PPP2R5A: variants seen among roughly 807,000 people sequenced by gnomAD.
PPP2R5A encodes the protein protein phosphatase 2 regulatory subunit B'alpha.
PPP2R5A carries 25 observed loss-of-function variants against 64.2 expected under a neutral mutation model. The observed-to-expected ratio is 0.39, with a 90% CI of 0.28 to 0.54. The LOEUF (loss-of-function observed/expected upper bound fraction) is 0.54, where lower values mean the gene tolerates loss of function less well. PPP2R5A is among the 20% of genes least tolerant of loss of function. The probability of loss-of-function intolerance (pLI) is 0.67; values close to 1 mark genes in which losing one functional copy is unlikely to be tolerated. For missense variants in PPP2R5A, 425 were observed against 576.3 expected (o/e 0.74, Z 2.69); for synonymous variants, 198 against 201.2 (o/e 0.98, Z 0.13).
chr1:212,347,486 A>G lies in PPP2R5A; in HGVS notation c.764+80A>G, dbSNP rs1659803623. ...ATTAAAATCTTAGCTGGGGTTGGAG[A>G]AATTATGTCATATTTTAGAGTTTAA... On this transcript the variant is annotated intron_variant, in intron 6 of 12. Transcript: ENST00000261461. 10 of 1,056,016 alleles carry G rather than the reference A, an allele frequency of 9.5e-6. 2 individuals are homozygous for G. The South Asian group carries it at 1.4e-4, about 15-fold the overall frequency. 65.4% of individuals were successfully genotyped at this position (1,056,016 alleles called of 1,614,324 possible).
At chr1:212,343,170 C>G (rs1436137214) in intron 4 of PPP2R5A, among the ~76,000 whole-genome samples, 5 of 152,014 alleles carry the variant, frequency 3.3e-5, no homozygotes, top group Admixed American at 6.5e-5. Context: ...CCAGGCTGGT[C>G]TTGAACTCCT....
At chr1:212,300,221 T>C (rs184142653) in intron 1 of PPP2R5A, among the ~76,000 whole-genome samples, 1 of 152,214 alleles carries the variant, frequency 6.6e-6, no homozygotes, top group African/African-American at 2.4e-5. Context: ...GTTTTGATAA[T>C]CTGTTTTTAA....
intron 8 of PPP2R5A, among the ~76,000 whole-genome samples, chr1:212,354,619 G>A (rs1558155781): frequency 6.6e-6 from 1 of 151,858 alleles, no homozygotes; most frequent in Non-Finnish European, 1.5e-5. Context: ...AGGAGTTCAA[G>A]GTTACAATAA....
At chr1:212,342,727 T>C (rs1268983853) in intron 4 of PPP2R5A, among the ~76,000 whole-genome samples, 1 of 152,164 alleles carries the variant, frequency 6.6e-6, no homozygotes, top group Non-Finnish European at 1.5e-5. Flanking sequence ...CTTTCCTAAG[T>C]ATCAATTACC....
intron 12 of PPP2R5A, 113 bp from the exon 13 acceptor site, chr1:212,360,525 G>A (rs1660060984): frequency 7.5e-6 from 7 of 929,308 alleles, no homozygotes; most frequent in Admixed American, 3.1e-5. Context: ...CTTTAGCAGA[G>A]GGATTTAAGT....
At chr1:212,329,097 T>C in intron 1 of PPP2R5A, 38 bp from the exon 2 acceptor site, 1 of 1,353,400 alleles carries the variant, frequency 7.4e-7, no homozygotes, top group African/African-American at 1.5e-5. Context: ...AACTTCTGAG[T>C]AGGTTATTTC....
At chr1:212,291,847 C>G (rs1393010804) in intron 1 of PPP2R5A, among the ~76,000 whole-genome samples, 2 of 152,186 alleles carry the variant, frequency 1.3e-5, no homozygotes, top group South Asian at 4.1e-4. Flanking sequence ...TTTCTTTTCT[C>G]TGTGATTTTT....
At chr1:212,311,238 G>A (rs1659024382) in intron 1 of PPP2R5A, among the ~76,000 whole-genome samples, 1 of 152,212 alleles carries the variant, frequency 6.6e-6, no homozygotes, top group African/African-American at 2.4e-5. Context: ...GGAGGCTGAG[G>A]CAGGCGGATC....
rs1418057060 is a variant in PPP2R5A at position 212,285,844 on chromosome 1, C to T, written c.-267C>T. 1.1e-5 allele frequency: 4 copies of T among 360,090 alleles called. No individual in the cohort carries two copies. The highest frequency in any genetic ancestry group is 2.0e-5 in the Non-Finnish European group (4 of 202,152). 22.3% of individuals were successfully genotyped at this position (360,090 alleles called of 1,614,324 possible). A position where few individuals can be genotyped will look rare whatever the true frequency, so the allele number is the denominator to read the frequency against. On this transcript the variant is annotated 5_prime_UTR_variant, in exon 1 of 13. Coordinates refer to ENST00000261461, the MANE Select transcript of PPP2R5A (RefSeq NM_006243.4). ...GCGCCCAGAGTCAACAACTTCTTCA[C>T]CCCCCTCCGCCCCCGCCCTTCCCTC...
At chr1:212,353,431 A>G (rs918063715) in intron 8 of PPP2R5A, among the ~76,000 whole-genome samples, 1 of 152,210 alleles carries the variant, frequency 6.6e-6, no homozygotes, top group African/African-American at 2.4e-5. Flanking sequence ...ACAGTTAACA[A>G]GCTCATGAGA....
At chr1:212,322,824 C>T (rs980371794) in intron 1 of PPP2R5A, among the ~76,000 whole-genome samples, 3 of 151,852 alleles carry the variant, frequency 2.0e-5, no homozygotes, top group Admixed American at 6.6e-5. Flanking sequence ...CTCGCTCTGT[C>T]GCCCAGGCTG....
intron 1 of PPP2R5A, among the ~76,000 whole-genome samples, chr1:212,309,763 A>T (rs77354304): frequency 6.6e-6 from 1 of 152,226 alleles, no homozygotes; most frequent in East Asian, 1.9e-4. Flanking sequence ...GCCACATTGG[A>T]AGAATTGTCT....
At chr1:212,292,735 T>G (rs1220633085) in intron 1 of PPP2R5A, among the ~76,000 whole-genome samples, 1 of 152,186 alleles carries the variant, frequency 6.6e-6, no homozygotes, top group Non-Finnish European at 1.5e-5. Context: ...AAGTTTTTTA[T>G]TTTTATTCTT....
At chr1:212,347,499 T>G in intron 6 of PPP2R5A, 93 bp downstream of exon 6, 1 of 968,408 alleles carries the variant, frequency 1.0e-6, no homozygotes, top group Non-Finnish European at 1.6e-6. Context: ...TTATGTCATA[T>G]TTTAGAGTTT....
chr1:212,353,594 T>TA (rs1376300097), intron 8 of PPP2R5A, among the ~76,000 whole-genome samples: 2 of 152,192 alleles, frequency 1.3e-5, no homozygotes, highest in African/African-American at 4.8e-5. Context: ...TATATCTAGA[T>TA]ACTCATATAT....
At chr1:212,325,547 T>C (rs1366397204) in intron 1 of PPP2R5A, among the ~76,000 whole-genome samples, 2 of 152,248 alleles carry the variant, frequency 1.3e-5, no homozygotes, top group East Asian at 3.9e-4. Context: ...GTATTACTAT[T>C]AGCGTTAGGG....
chr1:212,350,912 C>T (rs573047922), intron 8 of PPP2R5A, among the ~76,000 whole-genome samples: 3 of 148,498 alleles, frequency 2.0e-5, no homozygotes, highest in Non-Finnish European at 4.5e-5. Context: ...CCGAGGCAGG[C>T]GGATCACCTC....
At chr1:212,314,596 G>A (rs1354411304) in intron 1 of PPP2R5A, among the ~76,000 whole-genome samples, 6 of 145,736 alleles carry the variant, frequency 4.1e-5, no homozygotes, top group Non-Finnish European at 7.4e-5. Flanking sequence ...TCGCTGTGAT[G>A]CCCAGGGTGA....
intron 1 of PPP2R5A, among the ~76,000 whole-genome samples, chr1:212,296,509 C>T (rs1658693145): frequency 6.6e-6 from 1 of 152,154 alleles, no homozygotes; most frequent in Non-Finnish European, 1.5e-5. Context: ...AGTCTCCTGG[C>T]CAAATTGGGA....
Sources: allele counts gnomAD v4.1 joint callset (sites outside exome capture counted in the v4.1 genomes callset), GRCh38; gene constraint gnomAD v4.1.1; transcripts MANE v1.5; gene names NCBI Gene and HGNC (gene_info 2026-07-23, HGNC 2026-07-21).